Variants in MUC17 observed in about 807,000 individuals in gnomAD.
The protein encoded by MUC17 is mucin-17.
Under a neutral mutation model 170.3 loss-of-function variants are expected in MUC17, and 190 were observed. The ratio of observed to expected loss-of-function variants is 1.12; its 90% CI spans 0.99 to 1.26. MUC17 has a LOEUF of 1.26. Ranked by LOEUF, MUC17 falls within the 50% of genes most tolerant of loss-of-function variation. The pLI is 0.00. For missense variants in MUC17, 6,415 were observed against 5,530.0 expected, an observed-to-expected ratio of 1.16 and a Z score of -5.08; for synonymous variants, 2,325 against 2,002.5, an observed-to-expected ratio of 1.16 and a Z score of -4.30.
intron 1 of MUC17, among the ~76,000 whole-genome samples, chr7:101,028,177 T>C (rs181568010): frequency 2.0e-5 from 3 of 151,208 alleles, no homozygotes; most frequent in Non-Finnish European, 4.4e-5. Flanking sequence ...CTGCAACCTC[T>C]GCCTCCCAGT....
Position 101,043,200 on chromosome 7 carries a change from G to T in MUC17, c.11784G>T (p.Val3928=), listed in dbSNP as rs149163224. ...TAGCCACCACCATATCTGTATCAGT[G>T]ATCACAGAAGGAAGCACACCTGGGA... is the stretch of plus-strand genomic sequence containing the variant. ...IPVATTISVS[V]ITEGSTPGTT... The change falls in exon 3 of 13, where the codon GTG becomes GTT. Residue 3928 remains valine, a synonymous_variant. Coordinates refer to ENST00000306151, the MANE Select transcript of MUC17 (RefSeq NM_001040105.2). 6.2e-7 allele frequency: 1 copy of T among 1,614,072 alleles called. No individual in the cohort carries two copies. The highest frequency in any genetic ancestry group is 8.5e-7 in the Non-Finnish European group (1 of 1,180,014).
At chr7:101,025,649 C>T (rs891308198) in intron 1 of MUC17, among the ~76,000 whole-genome samples, 1 of 152,004 alleles carries the variant, frequency 6.6e-6, no homozygotes, top group Non-Finnish European at 1.5e-5. Flanking sequence ...AAAAAATTAG[C>T]CAGGTGTAGT....
rs1247558458 is a variant in MUC17 at position 101,036,522 on chromosome 7, G to GGCCA, written c.5109_5112dup (p.Ser1705GlnfsTer13). 1 of 1,610,360 alleles carries GGCCA rather than the reference G, an allele frequency of 6.2e-7. No homozygotes were observed. The highest frequency in any genetic ancestry group is 8.5e-7 in the Non-Finnish European group (1 of 1,178,054). The stretch of plus-strand genomic sequence containing the variant: ...GTATAACTGTCAGAACAACACCGGT[G>GGCCA]GCCAGCTCTGCAATCAGCACCCTTT... On this transcript the variant is annotated frameshift_variant, in exon 3 of 13. Coordinates refer to ENST00000306151, the MANE Select transcript of MUC17 (RefSeq NM_001040105.2). LOFTEE classifies it high-confidence loss of function.
At chr7:101,025,204 A>G (rs948538952) in intron 1 of MUC17, among the ~76,000 whole-genome samples, 11 of 151,570 alleles carry the variant, frequency 7.3e-5, no homozygotes, top group Admixed American at 1.3e-4. Flanking sequence ...CATCTCTACA[A>G]AAAAATGTAA....
rs149636438 is a variant in MUC17, at chr7:101,037,874, C to T, written c.6458C>T (p.Thr2153Ile). ...PIPTEGTSMQTSTYSDRRTPL... is the reference protein window; with the variant it reads ...PIPTEGTSMQISTYSDRRTPL... ...CCTACTGAAGGTACCAGCATGCAAA[C>T]CTCAACTTATAGTGACAGAAGAACT... The change falls in exon 3 of 13, where the codon ACC becomes ATC. Residue 2153 changes from threonine to isoleucine, a missense_variant. By Grantham distance (89) the Thr-to-Ile change is moderately conservative (BLOSUM62 -1). Transcript: ENST00000306151. 3 of 1,610,736 alleles carry T rather than the reference C, an allele frequency of 1.9e-6. No individual in the cohort carries two copies. The African/African-American group carries it at 4.0e-5, about 22-fold the overall frequency.
At position 101,041,691 on chromosome 7, in the gene MUC17, C is replaced by T; in HGVS notation, c.10275C>T (p.Asp3425=). 1 of 1,613,970 alleles carries T rather than the reference C, an allele frequency of 6.2e-7. No homozygotes were observed. Among genetic ancestry groups the T allele is most frequent in the South Asian group, 1.1e-5 (1 of 91,068 alleles). ...EVNTLSTTPV[D]SNTLVTTSTE... The stretch of plus-strand genomic sequence containing the variant: ...ACACCCTTTCAACAACTCCTGTGGA[C>T]TCCAACACTCTGGTGACCACTTCTA... Residue 3425 remains aspartate, a synonymous_variant, in exon 3 of 13, where the codon GAC becomes GAT. Transcript: ENST00000306151.
Position 101,042,385 on chromosome 7 carries a change from A to T in MUC17, c.10969A>T (p.Thr3657Ser), listed in dbSNP as rs976556015. The change falls in exon 3 of 13, where the codon ACA becomes TCA. Residue 3657 changes from threonine (T) to serine (S), a missense_variant. By Grantham distance (58) the Thr-to-Ser change is moderately conservative. Coordinates refer to ENST00000306151, the MANE Select transcript of MUC17 (RefSeq NM_001040105.2). ...CATTTCTGAGGCTGGCACAGCTTCA[A>T]CACTTCCTGTTGACACCAGCACACC... ...VTISEAGTAS[T>S]LPVDTSTPVI... is the part of the protein sequence containing the mutation. The T allele has an allele frequency of 1.9e-6, 3 of 1,613,976 alleles. No individual in the cohort carries two copies. In the African/African-American group the frequency reaches 4.0e-5, roughly 22 times the overall value.
rs1794592642 is a variant in MUC17, at chr7:101,039,034, G to A, written c.7618G>A (p.Val2540Ile). Residue 2540 changes from valine to isoleucine, a missense_variant, in exon 3 of 13, where the codon GTT becomes ATT. Physicochemically the swap from Val to Ile is conservative, Grantham distance 29. Coordinates refer to ENST00000306151, the MANE Select transcript of MUC17 (RefSeq NM_001040105.2). Reference protein sequence around the residue: ...PEASTLSTTPVDSNSPVVTST... With the variant: ...PEASTLSTTPIDSNSPVVTST... The stretch of plus-strand genomic sequence containing the variant: ...GGCTAGCACCCTTTCAACAACTCCT[G>A]TTGACTCCAACAGTCCTGTGGTCAC... The A allele has an allele frequency of 1.2e-6, 2 of 1,613,734 alleles. No homozygotes were observed. The highest frequency in any genetic ancestry group is 2.7e-5 in the African/African-American group (2 of 74,812).
At position 101,033,840 on chromosome 7, in the gene MUC17, A is replaced by G. The variant is rs781576488; in HGVS notation, c.2424A>G (p.Leu808=). The change falls in exon 3 of 13, where the codon TTA becomes TTG. Residue 808 remains leucine, a synonymous_variant. Transcript: ENST00000306151. Reference sequence around the variant, plus strand: ...CTCCTAGTGAAGGAAGTCCTTTATTAACAAGTATACCTGTCAGCATCACAC... The same window carrying G: ...CTCCTAGTGAAGGAAGTCCTTTATTGACAAGTATACCTGTCAGCATCACAC... ...ISTPSEGSPL[L]TSIPVSITPV... is the part of the protein sequence containing the mutation. The G allele has an allele frequency of 6.8e-6, 11 of 1,613,676 alleles. No individual in the cohort carries two copies. In the Admixed American group the frequency reaches 1.8e-4, roughly 27 times the overall value.
In MUC17 at chr7:101,034,164, C is replaced by T; in HGVS notation, c.2748C>T (p.Thr916=). 1.3e-6 allele frequency: 2 copies of T among 1,584,438 alleles called. No individual in the cohort carries two copies. Among genetic ancestry groups the T allele is most frequent in the Non-Finnish European group, 1.7e-6 (2 of 1,164,038 alleles). ...CTTCTGAAGGTACCAGCATGCCAAC[C>T]TCAACTCCTGGGGAAGGAAGCACTC... ...PTTSEGTSMP[T]STPGEGSTPL... is the part of the protein sequence containing the mutation. The change falls in exon 3 of 13, where the codon ACC becomes ACT. Residue 916 remains threonine, a synonymous_variant. Transcript: ENST00000306151.
chr7:101,041,218 G>A lies in MUC17; in HGVS notation c.9802G>A (p.Gly3268Ser). The change falls in exon 3 of 13, where the codon GGT becomes AGT. Residue 3268 changes from glycine (G) to serine (S), a missense_variant. Physicochemically the swap from Gly to Ser is moderately conservative, Grantham distance 56. Transcript: ENST00000306151. ...CAGTTCATCTCCTCCCACTGCTGAAGGTACCAGCATGCCAACCTCAACTCC... is the reference window on the plus strand; with the variant it reads ...CAGTTCATCTCCTCCCACTGCTGAAAGTACCAGCATGCCAACCTCAACTCC... ...EASSSPPTAE[G>S]TSMPTSTPSE... The A allele has an allele frequency of 1.2e-6, 2 of 1,613,270 alleles. No individual in the cohort carries two copies. The highest frequency in any genetic ancestry group is 1.7e-6 in the Non-Finnish European group (2 of 1,179,770).
rs1017148665 is a variant in MUC17, at chr7:101,043,891, G to A, written c.12403+72G>A. 3.6e-5 allele frequency: 52 copies of A among 1,424,972 alleles called. 1 individual carries two copies. In the East Asian group the frequency reaches 9.9e-4, roughly 27 times the overall value. 88.3% of individuals were successfully genotyped at this position (1,424,972 alleles called of 1,614,324 possible). A position where few individuals can be genotyped will look rare whatever the true frequency, so the allele number is the denominator to read the frequency against. ...GTTCTAGGGTACATGTGCACAACGTGCAGGTTTGTTACCTATGTATACGTG... is the reference window on the plus strand; with the variant it reads ...GTTCTAGGGTACATGTGCACAACGTACAGGTTTGTTACCTATGTATACGTG... On this transcript the variant is annotated intron_variant, in intron 3 of 12. Coordinates refer to ENST00000306151, the MANE Select transcript of MUC17 (RefSeq NM_001040105.2).
Position 101,033,844 on chromosome 7 carries a change from A to G in MUC17, c.2428A>G (p.Ser810Gly). ...TPSEGSPLLT[S>G]IPVSITPVTS... The stretch of plus-strand genomic sequence containing the variant: ...TAGTGAAGGAAGTCCTTTATTAACA[A>G]GTATACCTGTCAGCATCACACCGGT... Residue 810 changes from serine to glycine, a missense_variant, in exon 3 of 13, where the codon AGT becomes GGT. Physicochemically the swap from Ser to Gly is moderately conservative, Grantham distance 56 (BLOSUM62 0). Transcript: ENST00000306151. 2 of 1,613,696 alleles carry G rather than the reference A, an allele frequency of 1.2e-6. No individual in the cohort carries two copies. Among genetic ancestry groups the G allele is most frequent in the Non-Finnish European group, 1.7e-6 (2 of 1,179,898 alleles).
In MUC17 at chr7:101,057,030, C is replaced by T. The variant is rs146522335; in HGVS notation, c.13440+760C>T. ...TTGTTTCATGGTGTCATCTAACTTGCCCACCCATCCTTAGTATCAGAGGTA... is the reference window on the plus strand; with the variant it reads ...TTGTTTCATGGTGTCATCTAACTTGTCCACCCATCCTTAGTATCAGAGGTA... On this transcript the variant is annotated intron_variant, in intron 12 of 12. Transcript: ENST00000306151. Among the ~76,000 whole-genome samples, 47 of 152,032 alleles carry T rather than the reference C, an allele frequency of 3.1e-4. 1 individual carries two copies. Among genetic ancestry groups the T allele is most frequent in the African/African-American group, 1.1e-3 (45 of 41,468 alleles).
intron 3 of MUC17, 36 bp from the exon 4 acceptor site, chr7:101,047,948 G>A (rs1199478377): frequency 1.3e-6 from 2 of 1,539,792 alleles, no homozygotes; most frequent in South Asian, 2.6e-5. Context: ...CTCAATGGAG[G>A]AACTTGGAAA....
chr7:101,057,946 CAG>C (rs1179739247), intron 12 of MUC17, 55 bp from the exon 13 acceptor site: 20 of 1,518,384 alleles, frequency 1.3e-5, no homozygotes, highest in Admixed American at 1.7e-5. Flanking sequence ...CTTATGCTTC[CAG>C]AATCCCAAAT....
In MUC17 at chr7:101,037,558, G is replaced by C. The variant is rs142999731; in HGVS notation, c.6142G>C (p.Gly2048Arg). 480 of 1,612,202 alleles carry C rather than the reference G, an allele frequency of 3.0e-4. No homozygotes were observed. Among genetic ancestry groups the C allele is most frequent in the Non-Finnish European group, 4.0e-4 (466 of 1,179,350 alleles). Reference protein sequence around the residue: ...TPSERTTPLAGMPVSTTLVVS... With the variant: ...TPSERTTPLARMPVSTTLVVS... Reference sequence around the variant, plus strand: ...TAGTGAACGGACCACTCCATTAGCAGGTATGCCTGTCAGCACTACGCTTGT... The same window carrying C: ...TAGTGAACGGACCACTCCATTAGCACGTATGCCTGTCAGCACTACGCTTGT... The change falls in exon 3 of 13, where the codon GGT (glycine) becomes CGT (arginine). Residue 2048 changes from glycine to arginine, a missense_variant. Transcript: ENST00000306151.
Position 101,033,406 on chromosome 7 carries a change from A to T in MUC17, c.1990A>T (p.Thr664Ser). ...VDSNTPVTTSTEATSSSTTAE... is the reference protein window; with the variant it reads ...VDSNTPVTTSSEATSSSTTAE... ...CTCCAACACTCCTGTGACCACTTCA[A>T]CTGAAGCCACTTCATCTTCTACAAC... The change falls in exon 3 of 13, where the codon ACT becomes TCT. Residue 664 changes from threonine to serine, a missense_variant. Thr to Ser is a moderately conservative substitution (Grantham distance 58, BLOSUM62 1). Coordinates refer to ENST00000306151, the MANE Select transcript of MUC17 (RefSeq NM_001040105.2). 1 of 1,613,394 alleles carries T rather than the reference A, an allele frequency of 6.2e-7. No individual in the cohort carries two copies. The highest frequency in any genetic ancestry group is 8.5e-7 in the Non-Finnish European group (1 of 1,179,700).
chr7:101,037,938 C>A lies in MUC17; in HGVS notation c.6522C>A (p.Ala2174=). The A allele has an allele frequency of 6.2e-7, 1 of 1,612,076 alleles. No individual in the cohort carries two copies. The highest frequency in any genetic ancestry group is 1.1e-5 in the South Asian group (1 of 90,940). The change falls in exon 3 of 13, where the codon GCC becomes GCA. Residue 2174 remains alanine (A), a synonymous_variant. Transcript: ENST00000306151. The stretch of plus-strand genomic sequence containing the variant: ...TGCCTGTCAGCACCACAGTGGTGGC[C>A]AGTTCTGCAATCAGCACCCTTTCAA... ...TSMPVSTTVV[A]SSAISTLSTT...
Sources: allele counts gnomAD v4.1 joint callset (sites outside exome capture counted in the v4.1 genomes callset), GRCh38; gene constraint gnomAD v4.1.1; transcripts MANE v1.5; gene names NCBI Gene and HGNC (gene_info 2026-07-23, HGNC 2026-07-21).